The following TRPM7 variants were observed in gnomAD, a reference collection of about 807,000 sequenced individuals.
TRPM7 encodes the protein LTRPC ion channel family member 7.
In TRPM7, 134 loss-of-function variants were observed where a neutral mutation model predicts 229.7. The observed-to-expected ratio is 0.58, with a 90% CI of 0.51 to 0.67. The LOEUF is 0.67. Among genes scored for constraint, TRPM7 ranks in the 30% least tolerant of loss-of-function variants. TRPM7 has a pLI of 0.00. For synonymous variants in TRPM7, 699 were observed against 715.2 expected (o/e 0.98, Z 0.36); for missense variants, 1,901 against 2,210.0 (o/e 0.86, Z 2.80).
intron 20 of TRPM7, 53 bp from the exon 21 acceptor site, chr15:50,605,197 A>C: frequency 7.2e-7 from 1 of 1,381,496 alleles, no homozygotes; most frequent in Non-Finnish European, 9.8e-7. Flanking sequence ...TCCTATTAAA[A>C]CACATACAGC....
chr15:50,596,720 A>G (rs148480510), intron 22 of TRPM7, among the ~76,000 whole-genome samples: 92 of 152,330 alleles, frequency 6.0e-4, no homozygotes, highest in African/African-American at 2.1e-3. Context: ...TGGATCAACC[A>G]TATGATAATA....
intron 17 of TRPM7, among the ~76,000 whole-genome samples, chr15:50,610,624 A>G (rs1267713229): frequency 1.3e-5 from 2 of 152,170 alleles, no homozygotes; most frequent in Admixed American, 6.5e-5. Context: ...GGTACATGCC[A>G]TTTTACCCAA....
intron 3 of TRPM7, among the ~76,000 whole-genome samples, chr15:50,656,269 G>C (rs1288543406): frequency 6.6e-6 from 1 of 151,898 alleles, no homozygotes; most frequent in Admixed American, 6.6e-5. Context: ...GTTAAGTACA[G>C]GGGCAAATAT....
chr15:50,557,257 T>G lies in TRPM7; in HGVS notation c.*4421A>C, dbSNP rs2141395427. On this transcript the variant is annotated 3_prime_UTR_variant, in exon 39 of 39. Transcript: ENST00000646667. ...TACGACCCATCTCTTCAAGAGGAAGTCTGGTATTATGGAAAAACATTTTGT... is the reference window on the plus strand; with the variant it reads ...TACGACCCATCTCTTCAAGAGGAAGGCTGGTATTATGGAAAAACATTTTGT... The G allele has an allele frequency of 6.6e-6, 1 of 152,336 alleles. No individual in the cohort carries two copies. Among genetic ancestry groups the G allele is most frequent in the South Asian group, 2.1e-4 (1 of 4,828 alleles). 9.4% of individuals were successfully genotyped at this position (152,336 alleles called of 1,614,324 possible). A position where few individuals can be genotyped will look rare whatever the true frequency, so the allele number is the denominator to read the frequency against.
chr15:50,633,030 T>G (rs2140670448), intron 8 of TRPM7, 38 bp from the exon 9 acceptor site: 1 of 1,555,344 alleles, frequency 6.4e-7, no homozygotes, highest in East Asian at 2.3e-5. Flanking sequence ...GATTTCATCT[T>G]CCATTATTTG....
chr15:50,582,764 CTTT>C (rs1418776480), intron 29 of TRPM7, among the ~76,000 whole-genome samples: 2 of 152,110 alleles, frequency 1.3e-5, no homozygotes, highest in Admixed American at 6.5e-5. Flanking sequence ...TTTTCCTGAG[CTTT>C]TTGTCTTGTC....
chr15:50,662,329 A>C (rs1484621288), intron 2 of TRPM7, among the ~76,000 whole-genome samples: 2 of 151,288 alleles, frequency 1.3e-5, no homozygotes, highest in Admixed American at 6.6e-5. Context: ...TCTGTTCCAA[A>C]AAAAAAAAAA....
chr15:50,673,634 G>GTATATATATATATA (rs35356193), intron 1 of TRPM7, among the ~76,000 whole-genome samples: 1 of 150,316 alleles, frequency 6.7e-6, no homozygotes, highest in African/African-American at 2.4e-5. Flanking sequence ...GTATTCCCTC[G>GTATATATATATATA]TATATATATA....
chr15:50,664,269 C>T (rs2061820932), intron 1 of TRPM7, among the ~76,000 whole-genome samples: 1 of 144,446 alleles, frequency 6.9e-6, no homozygotes, highest in African/African-American at 2.6e-5. Context: ...GAGATCGCGC[C>T]ACTGCACTCC....
At chr15:50,622,518 A>C (rs1291257397) in intron 12 of TRPM7, among the ~76,000 whole-genome samples, 1 of 152,246 alleles carries the variant, frequency 6.6e-6, no homozygotes, top group Non-Finnish European at 1.5e-5. Flanking sequence ...TAATCCTTTT[A>C]ATTTTTACAT....
chr15:50,600,735 G>C (rs528694666), intron 21 of TRPM7, among the ~76,000 whole-genome samples: 1 of 152,220 alleles, frequency 6.6e-6, no homozygotes, highest in Non-Finnish European at 1.5e-5. Flanking sequence ...GCCGGATAAA[G>C]TAATTTTATA....
At chr15:50,608,808 G>T (rs1029206495) in intron 19 of TRPM7, among the ~76,000 whole-genome samples, 4 of 152,150 alleles carry the variant, frequency 2.6e-5, no homozygotes, top group African/African-American at 9.7e-5. Context: ...GGGGAGTTAA[G>T]AACTCATTTA....
rs1047433599 is a variant in TRPM7 at position 50,604,637 on chromosome 15, T to A, written c.2988+229A>T. ...AGGAAAAAGGAGTTACCTACAGACA[T>A]AAACCATAGATGGTATAGCTAACAT... On this transcript the variant is annotated intron_variant, in intron 21 of 38. Coordinates refer to ENST00000646667, the MANE Select transcript of TRPM7 (RefSeq NM_017672.6). The A allele has an allele frequency of 1.3e-4, 36 of 285,906 alleles. No homozygotes were observed. The South Asian group carries it at 2.6e-3, about 21-fold the overall frequency. 17.7% of individuals were successfully genotyped at this position (285,906 alleles called of 1,614,324 possible). A position where few individuals can be genotyped will look rare whatever the true frequency, so the allele number is the denominator to read the frequency against.
At chr15:50,640,584 C>T (rs569786671) in intron 5 of TRPM7, among the ~76,000 whole-genome samples, 7 of 151,934 alleles carry the variant, frequency 4.6e-5, no homozygotes, top group Non-Finnish European at 1.0e-4. Context: ...CCATGCCTGG[C>T]CCATTATTAC....
intron 20 of TRPM7, among the ~76,000 whole-genome samples, chr15:50,605,689 C>T (rs1401274393): frequency 6.6e-6 from 1 of 152,184 alleles, no homozygotes; most frequent in Admixed American, 6.5e-5. Flanking sequence ...CTCCCTTAGC[C>T]AATTAATTAC....
chr15:50,629,784 C>T (rs1490707703), intron 10 of TRPM7, among the ~76,000 whole-genome samples: 1 of 151,234 alleles, frequency 6.6e-6, no homozygotes, highest in Non-Finnish European at 1.5e-5. Flanking sequence ...ATAATGTAAA[C>T]CACTTGAACA....
intron 27 of TRPM7, 113 bp downstream of exon 27, chr15:50,589,479 G>T: frequency 2.9e-6 from 2 of 697,656 alleles, no homozygotes; most frequent in Non-Finnish European, 4.8e-6. Context: ...GCATGTTAAT[G>T]ATATCTGCTA....
intron 2 of TRPM7, among the ~76,000 whole-genome samples, chr15:50,660,174 G>T (rs971075877): frequency 2.0e-4 from 31 of 152,064 alleles, no homozygotes; most frequent in African/African-American, 7.5e-4. Context: ...CAAGTAGTAA[G>T]AAATCAGAAT....
intron 5 of TRPM7, 28 bp downstream of exon 5, chr15:50,643,312 A>C: frequency 6.3e-7 from 1 of 1,586,658 alleles, no homozygotes. Flanking sequence ...AAACACACTA[A>C]ATAAAATTGG....
Sources: gnomAD v4.1 joint callset for allele counts (sites outside exome capture counted in the v4.1 genomes callset) on GRCh38, gnomAD v4.1.1 for gene constraint, MANE v1.5 for transcripts, NCBI Gene and HGNC (gene_info 2026-07-23, HGNC 2026-07-21) for gene names.